AGBL1: variants seen among roughly 807,000 people sequenced by gnomAD.
AGBL1 encodes the protein cytosolic carboxypeptidase 4.
AGBL1 carries 130 observed loss-of-function variants against 118.9 expected under a neutral mutation model. The observed-to-expected ratio is 1.09, with a 90% CI of 0.95 to 1.26. The LOEUF (loss-of-function observed/expected upper bound fraction) is 1.26. AGBL1 is among the 50% of genes most tolerant of loss of function. The probability of loss-of-function intolerance (pLI) is 0.00; values close to 1 mark genes in which losing one functional copy is unlikely to be tolerated. For synonymous variants in AGBL1, 555 were observed against 478.9 expected, an observed-to-expected ratio of 1.16 and a Z score of -2.08; for missense variants, 1,584 against 1,298.1, an observed-to-expected ratio of 1.22 and a Z score of -3.38.
intron 21 of AGBL1, among the ~76,000 whole-genome samples, chr15:86,608,638 A>G (rs2084616382): frequency 6.6e-6 from 1 of 152,152 alleles, no homozygotes; most frequent in Admixed American, 6.6e-5. Context: ...ATTCACCAGC[A>G]GAGACCTGGC....
Position 86,295,334 on chromosome 15 carries a change from G to C in AGBL1, c.2300G>C (p.Gly767Ala), listed in dbSNP as rs1175438363. Residue 767 changes from glycine to alanine, a missense_variant, in exon 17 of 23, where the codon GGA becomes GCA. By Grantham distance (60) the Gly-to-Ala change is moderately conservative. Transcript: ENST00000614907. ...CAAGATGTTCTCTGCCAGACGCTGG[G>C]AGGGAATCCGTGTCCCTTGGTGACC... is the stretch of plus-strand genomic sequence containing the variant. The part of the protein sequence containing the change: ...FRQDVLCQTL[G>A]GNPCPLVTIT... 6.2e-7 allele frequency: 1 copy of C among 1,613,270 alleles called. No homozygotes were observed. Among genetic ancestry groups the C allele is most frequent in the African/African-American group, 1.3e-5 (1 of 74,836 alleles).
downstream of AGBL1, among the ~76,000 whole-genome samples, chr15:86,919,440 A>G (rs984982653): frequency 1.3e-5 from 2 of 152,060 alleles, no homozygotes; most frequent in Admixed American, 1.3e-4. Flanking sequence ...AGTGGCTACA[A>G]GATGAAAAGA....
chr15:86,552,287 A>G lies in AGBL1; in HGVS notation c.2818-2074A>G, dbSNP rs1434093636. Among the ~76,000 whole-genome samples the G allele has an allele frequency of 7.9e-5, 12 of 152,234 alleles. No homozygotes were observed. The East Asian group carries it at 2.3e-3, about 29-fold the overall frequency. On this transcript the variant is annotated intron_variant, in intron 20 of 22. Coordinates refer to ENST00000614907, the MANE Select transcript of AGBL1 (RefSeq NM_001386094.1). Reference sequence around the variant, plus strand: ...ATCTTCCTTCTCAGTTTCGCTGTGGACCTAAAACTGCTTTAAATAAAGCCT... The same window carrying G: ...ATCTTCCTTCTCAGTTTCGCTGTGGGCCTAAAACTGCTTTAAATAAAGCCT...
chr15:86,536,205 T>G (rs2083423966), intron 19 of AGBL1, among the ~76,000 whole-genome samples: 1 of 152,238 alleles, frequency 6.6e-6, no homozygotes, highest in Non-Finnish European at 1.5e-5. Flanking sequence ...TTGCTTCAGT[T>G]TCTTGATAAA....
chr15:86,700,531 C>T (rs1275751676), intron 22 of AGBL1, among the ~76,000 whole-genome samples: 2 of 151,378 alleles, frequency 1.3e-5, no homozygotes, highest in Non-Finnish European at 2.9e-5. Flanking sequence ...TTGAAGTGGT[C>T]TTTCTCTTGA....
At chr15:86,655,484 G>T (rs529977451) in intron 21 of AGBL1, among the ~76,000 whole-genome samples, 1 of 152,026 alleles carries the variant, frequency 6.6e-6, no homozygotes, top group Non-Finnish European at 1.5e-5. Flanking sequence ...ATAATTTCCC[G>T]TTACTTTCTT....
At chr15:86,251,062 T>A (rs951063849) in intron 7 of AGBL1, among the ~76,000 whole-genome samples, 5 of 152,228 alleles carry the variant, frequency 3.3e-5, no homozygotes, top group African/African-American at 9.6e-5. Context: ...GAACTCTTAC[T>A]ATTAATACAT....
intron 22 of AGBL1, among the ~76,000 whole-genome samples, chr15:86,675,292 G>C (rs769000051): frequency 1.2e-4 from 18 of 152,072 alleles, no homozygotes; most frequent in Non-Finnish European, 2.1e-4. Context: ...CATTCATCCT[G>C]GGGCCATCTT....
intron 17 of AGBL1, among the ~76,000 whole-genome samples, chr15:86,394,662 A>G (rs2141986179): frequency 6.6e-6 from 1 of 152,242 alleles, no homozygotes; most frequent in South Asian, 2.1e-4. Flanking sequence ...CTCTACTTTT[A>G]TAGTCACCAT....
In AGBL1 at chr15:86,564,692, G is replaced by A. The variant is rs150855439; in HGVS notation, c.2994+10155G>A. The stretch of plus-strand genomic sequence containing the variant: ...AATGTTGGCCTGCCTTGCTAGGTTG[G>A]GGAAGTTCTCCTGGATAATATCTTG... On this transcript the variant is annotated intron_variant, in intron 21 of 22. Transcript: ENST00000614907. 3.6e-3 allele frequency among the ~76,000 whole-genome samples: 549 copies of A among 152,256 alleles called. 7 individuals are homozygous for A. The highest frequency in any genetic ancestry group is 0.013 in the African/African-American group (529 of 41,540).
chr15:86,176,285 G>T (rs556106850), intron 5 of AGBL1, among the ~76,000 whole-genome samples: 1 of 152,222 alleles, frequency 6.6e-6, no homozygotes. Flanking sequence ...CCTAGATGGT[G>T]TGGTCATGGT....
chr15:86,093,821 A>T (rs1896184802), intron 1 of AGBL1, among the ~76,000 whole-genome samples: 1 of 152,156 alleles, frequency 6.6e-6, no homozygotes, highest in African/African-American at 2.4e-5. Flanking sequence ...TCTGGAAGGG[A>T]AGCAGAGAAT....
chr15:86,327,616 A>T (rs1186942361), intron 17 of AGBL1, among the ~76,000 whole-genome samples: 3 of 152,184 alleles, frequency 2.0e-5, no homozygotes, highest in Non-Finnish European at 4.4e-5. Context: ...TTATGTTTTC[A>T]TTGAGGTGTC....
At chr15:86,162,317 T>C (rs2077278118) in intron 5 of AGBL1, among the ~76,000 whole-genome samples, 1 of 152,126 alleles carries the variant, frequency 6.6e-6, no homozygotes. Flanking sequence ...TGCCCAGTGT[T>C]GTGTCATGAT....
intron 22 of AGBL1, among the ~76,000 whole-genome samples, 200 bp from the exon 23 acceptor site, chr15:86,906,887 G>T (rs2080287931): frequency 6.6e-6 from 1 of 152,120 alleles, no homozygotes; most frequent in African/African-American, 2.4e-5. Flanking sequence ...GTGATCTGAG[G>T]TTAAAACTCA....
intron 22 of AGBL1, among the ~76,000 whole-genome samples, chr15:86,872,427 C>G (rs17646325): frequency 0.18 from 27,076 of 152,084 alleles, 2,910 homozygotes; most frequent in Non-Finnish European, 0.22. Flanking sequence ...TATTGCAAAC[C>G]CGCTTACTAT....
At chr15:86,713,429 T>C (rs2086590936) in intron 22 of AGBL1, among the ~76,000 whole-genome samples, 1 of 152,216 alleles carries the variant, frequency 6.6e-6, no homozygotes, top group Non-Finnish European at 1.5e-5. Context: ...ATTATGGCTA[T>C]GGAAGTGCAT....
intron 17 of AGBL1, among the ~76,000 whole-genome samples, chr15:86,325,397 G>A (rs1216963022): frequency 6.6e-6 from 1 of 152,166 alleles, no homozygotes; most frequent in Non-Finnish European, 1.5e-5. Flanking sequence ...GGTAACTTTT[G>A]AGGTTTTAAG....
chr15:86,711,100 A>G (rs144233922), intron 22 of AGBL1, among the ~76,000 whole-genome samples: 41 of 152,218 alleles, frequency 2.7e-4, no homozygotes, highest in African/African-American at 9.1e-4. Flanking sequence ...AAATACTTCA[A>G]TATGCTGTCA....
Sources: allele counts gnomAD v4.1 joint callset (sites outside exome capture counted in the v4.1 genomes callset), GRCh38; gene constraint gnomAD v4.1.1; transcripts MANE v1.5; gene names NCBI Gene and HGNC (gene_info 2026-07-23, HGNC 2026-07-21).